Variants in PLPPR1 observed in about 807,000 individuals in gnomAD.
PLPPR1 encodes phospholipid phosphatase-related protein type 1.
PLPPR1 carries 10 observed loss-of-function variants against 33.1 expected under a neutral mutation model. The observed-to-expected ratio is 0.30, with a 90% CI of 0.19 to 0.51. PLPPR1 has a LOEUF of 0.51. PLPPR1 is among the 20% of genes least tolerant of loss of function. PLPPR1 has a pLI of 0.97. For missense variants in PLPPR1, 304 were observed against 408.1 expected (o/e 0.74, Z 2.20); for synonymous variants, 151 against 151.0 (o/e 1.00, Z 0.00).
At chr9:101,127,144 C>T (rs1166353473) in intron 1 of PLPPR1, among the ~76,000 whole-genome samples, 1 of 152,096 alleles carries the variant, frequency 6.6e-6, no homozygotes, top group African/African-American at 2.4e-5. Flanking sequence ...CCTCGTTCTT[C>T]CAAGTACTCA....
intron 2 of PLPPR1, among the ~76,000 whole-genome samples, chr9:101,253,549 A>C (rs1050938582): frequency 6.7e-6 from 1 of 149,728 alleles, no homozygotes; most frequent in African/African-American, 2.4e-5. Context: ...TCCAAAAATA[A>C]AAAAAAAAAT....
At chr9:101,093,472 T>G (rs1024498132) in intron 1 of PLPPR1, among the ~76,000 whole-genome samples, 1 of 152,232 alleles carries the variant, frequency 6.6e-6, no homozygotes, top group Admixed American at 6.5e-5. Flanking sequence ...ATTTTGGTCA[T>G]GGGAGCTATA....
chr9:101,265,534 A>G (rs1827974096), intron 2 of PLPPR1, among the ~76,000 whole-genome samples: 1 of 152,218 alleles, frequency 6.6e-6, no homozygotes, highest in Admixed American at 6.5e-5. Flanking sequence ...TGACATAAAC[A>G]TAGACAGTGA....
At chr9:101,282,379 A>G (rs1161244553) in intron 3 of PLPPR1, among the ~76,000 whole-genome samples, 1 of 152,172 alleles carries the variant, frequency 6.6e-6, no homozygotes, top group Non-Finnish European at 1.5e-5. Flanking sequence ...GATTTAAAAA[A>G]CCCTCAACAA....
intron 1 of PLPPR1, among the ~76,000 whole-genome samples, chr9:101,085,557 G>A (rs1246978916): frequency 3.3e-5 from 5 of 152,090 alleles, no homozygotes; most frequent in African/African-American, 9.6e-5. Context: ...AAACATTGGG[G>A]CCAACATTAA....
chr9:101,169,559 A>G (rs1368508899), intron 1 of PLPPR1, among the ~76,000 whole-genome samples: 1 of 152,052 alleles, frequency 6.6e-6, no homozygotes, highest in Non-Finnish European at 1.5e-5. Context: ...GCTTCAGGTC[A>G]CCTGCTGAGT....
intron 2 of PLPPR1, 54 bp from the exon 3 acceptor site, chr9:101,269,826 A>G (rs1360580689): frequency 6.4e-7 from 1 of 1,571,634 alleles, no homozygotes; most frequent in Non-Finnish European, 8.7e-7. Context: ...CTGAGGGGCA[A>G]GGGCTGCTCC....
chr9:101,217,846 TTAAAA>T (rs1826834812), intron 2 of PLPPR1, among the ~76,000 whole-genome samples: 2 of 152,160 alleles, frequency 1.3e-5, no homozygotes, highest in South Asian at 4.1e-4. Context: ...TAATACAAAC[TTAAAA>T]TAATGATAAA....
At chr9:101,181,755 A>ACACAC (rs72548326) in intron 1 of PLPPR1, among the ~76,000 whole-genome samples, 8 of 101,258 alleles carry the variant, frequency 7.9e-5, no homozygotes, top group East Asian at 6.3e-4. Context: ...ACACACACAC[A>ACACAC]ACACACATAC....
intron 1 of PLPPR1, among the ~76,000 whole-genome samples, chr9:101,117,820 C>T (rs938213638): frequency 6.6e-6 from 1 of 152,218 alleles, no homozygotes; most frequent in African/African-American, 2.4e-5. Flanking sequence ...GCACCTAGCA[C>T]AGAACCTGGC....
intron 1 of PLPPR1, among the ~76,000 whole-genome samples, chr9:101,164,042 A>G (rs1825812673): frequency 1.3e-5 from 2 of 152,208 alleles, no homozygotes; most frequent in African/African-American, 2.4e-5. Context: ...AAATGAACCA[A>G]TGTATCAGAC....
intron 4 of PLPPR1, among the ~76,000 whole-genome samples, chr9:101,306,040 T>C (rs1246273097): frequency 6.6e-6 from 1 of 152,158 alleles, no homozygotes; most frequent in Non-Finnish European, 1.5e-5. Context: ...AGAGCTCAGG[T>C]TTCCTTAGAC....
In PLPPR1 at chr9:101,324,084, T is replaced by C; in HGVS notation, c.*27T>C. ...ACGACTGATGTGTCACAAGCTGTTT[T>C]TTAAAATCATCTTCCAATTCTATAC... On this transcript the variant is annotated 3_prime_UTR_variant, in exon 8 of 8. Transcript: ENST00000374874. The C allele has an allele frequency of 6.3e-7, 1 of 1,597,382 alleles. No individual in the cohort carries two copies. The highest frequency in any genetic ancestry group is 2.2e-5 in the East Asian group (1 of 44,710).
chr9:101,237,571 G>C (rs13295287), intron 2 of PLPPR1, among the ~76,000 whole-genome samples: 49,107 of 146,548 alleles, frequency 0.34, 8,281 homozygotes, highest in Admixed American at 0.38. Flanking sequence ...ATACATATAG[G>C]CTATATATAT....
intron 1 of PLPPR1, among the ~76,000 whole-genome samples, chr9:101,081,604 A>G (rs80091555): frequency 0.014 from 2,192 of 152,340 alleles, 63 homozygotes; most frequent in African/African-American, 0.05. Flanking sequence ...GAATTATGGC[A>G]TCTCTATCCC....
At chr9:101,120,749 A>G (rs1460493260) in intron 1 of PLPPR1, among the ~76,000 whole-genome samples, 3 of 149,902 alleles carry the variant, frequency 2.0e-5, no homozygotes, top group Non-Finnish European at 4.5e-5. Flanking sequence ...CACATCCCAA[A>G]TGGCTTAAGA....
intron 2 of PLPPR1, among the ~76,000 whole-genome samples, chr9:101,241,146 T>C (rs1827457312): frequency 6.6e-6 from 1 of 152,056 alleles, no homozygotes; most frequent in Non-Finnish European, 1.5e-5. Context: ...TGAGATGGAA[T>C]AGGTACATGA....
rs554258335 is a variant in PLPPR1, at chr9:101,200,032, A to T, written c.63+14475A>T. ...ATGATCTATCCCCAGGGGCCTTGCA[A>T]ACAGTTCTGGAACAGATAGGATTCT... is the stretch of plus-strand genomic sequence containing the variant. On this transcript the variant is annotated intron_variant, in intron 2 of 7. Coordinates refer to ENST00000374874, the MANE Select transcript of PLPPR1 (RefSeq NM_207299.2). 2.0e-5 allele frequency among the ~76,000 whole-genome samples: 3 copies of T among 152,280 alleles called. No individual in the cohort carries two copies. In the South Asian group the frequency reaches 6.2e-4, roughly 32 times the overall value.
chr9:101,133,695 T>C (rs1237628652), intron 1 of PLPPR1, among the ~76,000 whole-genome samples: 2 of 146,888 alleles, frequency 1.4e-5, no homozygotes, highest in Non-Finnish European at 2.9e-5. Context: ...TTAAAGAACA[T>C]CCTCCTTCCA....
Sources: gnomAD v4.1 joint callset for allele counts (sites outside exome capture counted in the v4.1 genomes callset) on GRCh38, gnomAD v4.1.1 for gene constraint, MANE v1.5 for transcripts, NCBI Gene and HGNC (gene_info 2026-07-23, HGNC 2026-07-21) for gene names.